Variants in SHANK2 observed in about 807,000 individuals in gnomAD.
SHANK2 encodes SH3 and multiple ankyrin repeat domains protein 2.
Under a neutral mutation model 133.7 loss-of-function variants are expected in SHANK2, and 43 were observed. That is an observed-to-expected ratio of 0.32 (90% CI 0.25 to 0.41). SHANK2 has a LOEUF of 0.41. Ranked by LOEUF, SHANK2 falls within the 10% of genes least tolerant of loss-of-function variation. The pLI is 1.00. For missense variants in SHANK2, 1,994 were observed against 2,235.8 expected, an observed-to-expected ratio of 0.89 and a Z score of 2.18; for synonymous variants, 1,017 against 952.8, an observed-to-expected ratio of 1.07 and a Z score of -1.24.
At chr11:71,074,653 A>G (rs1208546508) in intron 9 of SHANK2, among the ~76,000 whole-genome samples, 4 of 152,100 alleles carry the variant, frequency 2.6e-5, no homozygotes, top group Non-Finnish European at 5.9e-5. Flanking sequence ...TTCATCTTAG[A>G]CTAAACTTTT....
chr11:70,868,271 G>A lies in SHANK2; in HGVS notation c.1174+28230C>T, dbSNP rs543706924. Among the ~76,000 whole-genome samples, 8 of 152,282 alleles carry A rather than the reference G, an allele frequency of 5.3e-5. No individual in the cohort carries two copies. In the East Asian group the frequency reaches 9.7e-4, roughly 18 times the overall value. On this transcript the variant is annotated intron_variant, in intron 11 of 25. Coordinates refer to ENST00000601538, the MANE Select transcript of SHANK2 (RefSeq NM_012309.5). ...GGTCGGCATACGGACACCTGTCCAC[G>A]GACATGGGGCGGTGTGATCTGCTCT...
At chr11:71,215,216 G>A (rs567287619) in intron 2 of SHANK2, among the ~76,000 whole-genome samples, 5 of 152,268 alleles carry the variant, frequency 3.3e-5, no homozygotes, top group South Asian at 4.1e-4. Flanking sequence ...CCCTGGAGCC[G>A]CAGCAGGGCC....
intron 2 of SHANK2, among the ~76,000 whole-genome samples, chr11:71,191,922 G>C (rs1018907329): frequency 6.6e-6 from 1 of 151,924 alleles, no homozygotes; most frequent in Non-Finnish European, 1.5e-5. Flanking sequence ...GTGCAGTGAC[G>C]TGATCTCAGT....
intron 11 of SHANK2, among the ~76,000 whole-genome samples, chr11:70,839,007 G>T (rs1293282166): frequency 6.6e-6 from 1 of 152,208 alleles, no homozygotes; most frequent in Non-Finnish European, 1.5e-5. Flanking sequence ...ACAAGCAGCT[G>T]GTGTTGGTGT....
chr11:70,572,810 G>A (rs562734524), intron 17 of SHANK2, among the ~76,000 whole-genome samples: 1 of 152,312 alleles, frequency 6.6e-6, no homozygotes, highest in Non-Finnish European at 1.5e-5. Flanking sequence ...AGGGATGCAA[G>A]ATGGTGAGGC....
chr11:71,171,238 G>A (rs548293394), intron 2 of SHANK2, among the ~76,000 whole-genome samples: 10 of 152,328 alleles, frequency 6.6e-5, no homozygotes, highest in Non-Finnish European at 1.2e-4. Flanking sequence ...GAGTCCCCGC[G>A]ATGACAGAGG....
At chr11:70,703,759 G>A (rs1372125355) in intron 14 of SHANK2, among the ~76,000 whole-genome samples, 1 of 152,172 alleles carries the variant, frequency 6.6e-6, no homozygotes, top group East Asian at 1.9e-4. Context: ...GCCGGGGCCC[G>A]AGGTCAATTC....
intron 1 of SHANK2, among the ~76,000 whole-genome samples, chr11:71,242,878 A>G (rs1219290622): frequency 6.6e-6 from 1 of 152,236 alleles, no homozygotes; most frequent in Non-Finnish European, 1.5e-5. Context: ...TTATACAAAT[A>G]ATGTTCTCCA....
chr11:70,806,587 C>T (rs1262991378), intron 13 of SHANK2, among the ~76,000 whole-genome samples: 2 of 152,222 alleles, frequency 1.3e-5, no homozygotes, highest in Non-Finnish European at 2.9e-5. Context: ...AGAATTCCTT[C>T]CTTTGAACAC....
intron 18 of SHANK2, 43 bp downstream of exon 18, chr11:70,502,753 C>CCCCA: frequency 5.8e-6 from 8 of 1,390,682 alleles, no homozygotes; most frequent in Non-Finnish European, 6.7e-6. Flanking sequence ...CCCCCCCCCC[C>CCCCA]AGTAGGGCCC....
chr11:71,148,646 A>G (rs185702268), intron 2 of SHANK2, among the ~76,000 whole-genome samples: 19 of 152,356 alleles, frequency 1.2e-4, no homozygotes, highest in Admixed American at 3.3e-4. Flanking sequence ...CCAAAGCAGC[A>G]TGTGGAAATG....
chr11:70,584,935 T>C (rs1306886504), intron 17 of SHANK2, among the ~76,000 whole-genome samples: 1 of 152,242 alleles, frequency 6.6e-6, no homozygotes, highest in Non-Finnish European at 1.5e-5. Context: ...GTGGCAGTGC[T>C]GGCACGGTCT....
In SHANK2 at chr11:70,659,352, G is replaced by A. The variant is rs118133683; in HGVS notation, c.2061+476C>T. On this transcript the variant is annotated intron_variant, in intron 17 of 25. Transcript: ENST00000601538. ...TGGAAGGCCATCGTCCATCTGATGG[G>A]GTGGTTACCACAACCTGCAAATCTA... Among the ~76,000 whole-genome samples the A allele has an allele frequency of 5.4e-3, 823 of 152,202 alleles. 3 individuals are homozygous for A. The highest frequency in any genetic ancestry group is 0.01 in the Admixed American group (156 of 15,296).
chr11:70,683,849 T>C (rs182118063), intron 15 of SHANK2, among the ~76,000 whole-genome samples: 11 of 152,086 alleles, frequency 7.2e-5, no homozygotes, highest in South Asian at 2.1e-4. Flanking sequence ...AGTGGCGTGA[T>C]CTTGGCTCAC....
intron 17 of SHANK2, among the ~76,000 whole-genome samples, chr11:70,509,684 T>C (rs1591520373): frequency 6.6e-6 from 1 of 152,208 alleles, no homozygotes; most frequent in East Asian, 1.9e-4. Flanking sequence ...GTTGAAACCC[T>C]CACCGCCAGT....
chr11:71,058,833 G>C (rs929200728), intron 9 of SHANK2, among the ~76,000 whole-genome samples: 2 of 152,250 alleles, frequency 1.3e-5, no homozygotes, highest in Non-Finnish European at 2.9e-5. Context: ...CCCGGGCCCC[G>C]GGGGAACCCC....
chr11:70,489,755 G>A (rs962380592), intron 23 of SHANK2: 14 of 303,306 alleles, frequency 4.6e-5, no homozygotes, highest in Admixed American at 1.4e-4. Flanking sequence ...CTGCAACAGG[G>A]TCAATAGGAA....
chr11:70,921,057 A>G (rs1950343138), intron 10 of SHANK2, among the ~76,000 whole-genome samples: 1 of 152,220 alleles, frequency 6.6e-6, no homozygotes, highest in Non-Finnish European at 1.5e-5. Flanking sequence ...GCCATACCAG[A>G]AAATCAGGAA....
intron 21 of SHANK2, among the ~76,000 whole-genome samples, chr11:70,493,169 T>G (rs186342618): frequency 3.3e-4 from 50 of 151,506 alleles, no homozygotes; most frequent in South Asian, 1.7e-3. Flanking sequence ...AAGTTTTTTT[T>G]TTTGTTTGTT....
Sources: allele counts gnomAD v4.1 joint callset (sites outside exome capture counted in the v4.1 genomes callset), GRCh38; gene constraint gnomAD v4.1.1; transcripts MANE v1.5; gene names NCBI Gene and HGNC (gene_info 2026-07-23, HGNC 2026-07-21).